Variants in PDHB observed in about 807,000 individuals in gnomAD.
PDHB encodes pyruvate dehydrogenase E1 subunit beta.
PDHB carries 17 observed loss-of-function variants against 42.8 expected under a neutral mutation model. That is an observed-to-expected ratio of 0.40 (90% confidence interval 0.27 to 0.60). The LOEUF is 0.60. PDHB is among the 20% of genes least tolerant of loss of function. PDHB has a pLI of 0.46. For missense variants in PDHB, 322 were observed against 451.3 expected (o/e 0.71, Z 2.60); for synonymous variants, 154 against 148.7 (o/e 1.04, Z -0.26).
Position 58,428,178 on chromosome 3 carries a change from A to T in PDHB, c.936T>A (p.Gly312=). Reference sequence around the variant, plus strand: ...GAGCATCCAGGAAATTGAACGCAGGACCTAGGAGAAGGAAGGCTCAACTGA... The same window carrying T: ...GAGCATCCAGGAAATTGAACGCAGGTCCTAGGAGAAGGAAGGCTCAACTGA... ...GAEICARIME[G]PAFNFLDAPA... Residue 312 remains glycine, a splice_region_variant and synonymous_variant, in exon 10 of 10, where the codon GGT becomes GGA. Transcript: ENST00000302746. The T allele has an allele frequency of 1.5e-5, 25 of 1,614,034 alleles. No individual in the cohort carries two copies. The highest frequency in any genetic ancestry group is 2.0e-5 in the Non-Finnish European group (24 of 1,179,876).
rs771813233 is a variant in PDHB, at chr3:58,433,777, G to C, written c.33C>G (p.Pro11=). MAAVSGLVRR[P]LREVSGLLKR... ...GCGCGCTGCTGCCTACCTCCCGAAG[G>C]GGTCTCCGCACCAAGCCAGACACCG... The change falls in exon 1 of 10, where the codon CCC becomes CCG. Residue 11 remains proline (P), a synonymous_variant. Coordinates refer to ENST00000302746, the MANE Select transcript of PDHB (RefSeq NM_000925.4). The C allele has an allele frequency of 3.7e-6, 6 of 1,612,306 alleles. No homozygotes were observed. The East Asian group carries it at 1.3e-4, about 36-fold the overall frequency.
In PDHB at chr3:58,427,671, C is replaced by T. The variant is rs1238483375; in HGVS notation, c.*363G>A. The T allele has an allele frequency of 8.0e-6, 3 of 376,918 alleles. No individual in the cohort carries two copies. Among genetic ancestry groups the T allele is most frequent in the South Asian group, 6.0e-5 (3 of 50,382 alleles). 23.3% of individuals were successfully genotyped at this position (376,918 alleles called of 1,614,324 possible). On this transcript the variant is annotated 3_prime_UTR_variant, in exon 10 of 10. Coordinates refer to ENST00000302746, the MANE Select transcript of PDHB (RefSeq NM_000925.4). ...TTTATTCCTTATCAAAACAAACTAA[C>T]AGTAAATGTATATTATATGCTTTAA...
At chr3:58,432,232 G>C (rs910845074) in intron 2 of PDHB, 9 of 512,128 alleles carry the variant, frequency 1.8e-5, no homozygotes, top group Non-Finnish European at 3.2e-5. Context: ...CCAGAATGTA[G>C]GAGTTGCTCT....
Position 58,433,612 on chromosome 3 carries a change from G to T in PDHB, c.96+19C>A. The T allele has an allele frequency of 6.2e-7, 1 of 1,605,460 alleles. No homozygotes were observed. Among genetic ancestry groups the T allele is most frequent in the Non-Finnish European group, 8.5e-7 (1 of 1,177,282 alleles). On this transcript the variant is annotated intron_variant, in intron 2 of 9. Coordinates refer to ENST00000302746, the MANE Select transcript of PDHB (RefSeq NM_000925.4). ...GGGACCCTCCCCGCCCTCGTCCGACGAGCACCCGCGCCTGTTACCTGCAGC... is the reference window on the plus strand; with the variant it reads ...GGGACCCTCCCCGCCCTCGTCCGACTAGCACCCGCGCCTGTTACCTGCAGC...
chr3:58,430,113 T>C lies in PDHB; in HGVS notation c.700+15A>G, dbSNP rs371033797. The C allele has an allele frequency of 1.4e-6, 2 of 1,388,018 alleles. No individual in the cohort carries two copies. Among genetic ancestry groups the C allele is most frequent in the African/African-American group, 1.4e-5 (1 of 70,668 alleles). The allele number at this position is 1,388,018 out of a possible 1,614,324, so 86.0% of individuals were successfully genotyped here. A position where few individuals can be genotyped will look rare whatever the true frequency, so the allele number is the denominator to read the frequency against. On this transcript the variant is annotated intron_variant, in intron 7 of 9. Coordinates refer to ENST00000302746, the MANE Select transcript of PDHB (RefSeq NM_000925.4). ...CTGGATTAAAAATACTGTTTATATA[T>C]CTTAGTTTTCTTACCTTGCCTTTCT... is the stretch of plus-strand genomic sequence containing the variant.
At chr3:58,432,505 T>C (rs1236537087) in intron 2 of PDHB, 1 of 177,408 alleles carries the variant, frequency 5.6e-6, no homozygotes, top group African/African-American at 2.4e-5. Context: ...GAGACCACCC[T>C]GGCCAACATG....
At position 58,429,926 on chromosome 3, in the gene PDHB, G is replaced by GA. The variant is rs763858259; in HGVS notation, c.701-128dup. On this transcript the variant is annotated intron_variant, in intron 7 of 9. Coordinates refer to ENST00000302746, the MANE Select transcript of PDHB (RefSeq NM_000925.4). ...TTCAACTTCATTCCAGTGAGCTGAG[G>GA]AATGTGGCAGCCTTCCTAGAAATGA... The GA allele has an allele frequency of 9.3e-6, 7 of 750,936 alleles. 1 individual carries two copies. In the South Asian group the frequency reaches 1.0e-4, roughly 11 times the overall value. The allele number at this position is 750,936 out of a possible 1,614,324, so 46.5% of individuals were successfully genotyped here.
In PDHB at chr3:58,431,496, A is replaced by C; in HGVS notation, c.303+97T>G. Reference sequence around the variant, plus strand: ...CTGGAAGCTGAGATGGTGCCAGTGCACTCCAGGCTGGACAACAGAGTGAGA... The same window carrying C: ...CTGGAAGCTGAGATGGTGCCAGTGCCCTCCAGGCTGGACAACAGAGTGAGA... On this transcript the variant is annotated intron_variant, in intron 5 of 9. Transcript: ENST00000302746. This position sits in a 1 kb window ranked among gnomAD's most constrained non-coding sequence, Gnocchi z 4.4. The C allele has an allele frequency of 1.0e-6, 1 of 953,978 alleles. No individual in the cohort carries two copies. The highest frequency in any genetic ancestry group is 1.8e-5 in the Admixed American group (1 of 57,024). The allele number at this position is 953,978 out of a possible 1,614,324, so 59.1% of individuals were successfully genotyped here.
chr3:58,428,422 T>C (rs375739181), intron 9 of PDHB, 51 bp downstream of exon 9: 8 of 1,567,516 alleles, frequency 5.1e-6, no homozygotes, highest in South Asian at 1.1e-5. Context: ...TTCAGGTACA[T>C]GATGTTTACT....
chr3:58,429,838 A>C (rs986672421), intron 7 of PDHB, 39 bp from the exon 8 acceptor site: 3 of 1,201,954 alleles, frequency 2.5e-6, no homozygotes, highest in Non-Finnish European at 3.7e-6. Context: ...ATCAGGTTGA[A>C]ACTGAAGATG....
chr3:58,430,132 C>T lies in PDHB; in HGVS notation c.696G>A (p.Arg232=), dbSNP rs2107938811. 1.3e-6 allele frequency: 2 copies of T among 1,578,996 alleles called. No individual in the cohort carries two copies. Among genetic ancestry groups the T allele is most frequent in the East Asian group, 2.2e-5 (1 of 44,716 alleles). Residue 232 remains arginine (R), a synonymous_variant, in exon 7 of 10, where the codon AGG becomes AGA. Coordinates refer to ENST00000302746, the MANE Select transcript of PDHB (RefSeq NM_000925.4). Reference sequence around the variant, plus strand: ...TATATATCTTAGTTTTCTTACCTTGCCTTTCTATTTTGGCTTTTCCAATAG... The same window carrying T: ...TATATATCTTAGTTTTCTTACCTTGTCTTTCTATTTTGGCTTTTCCAATAG... ...LIPIGKAKIE[R]QGTHITVVSH...
In PDHB at chr3:58,430,635, A is replaced by C. The variant is rs1281033962; in HGVS notation, c.589+22T>G. The C allele has an allele frequency of 3.1e-6, 5 of 1,609,210 alleles. No homozygotes were observed. In the African/African-American group the frequency reaches 4.0e-5, roughly 13 times the overall value. On this transcript the variant is annotated intron_variant, in intron 6 of 9. Coordinates refer to ENST00000302746, the MANE Select transcript of PDHB (RefSeq NM_000925.4). ...TTTAGTTTTTCAATCTTCAAAAAAAACCAAAGGGTCCCTGTGCTGACCTGG... is the reference window on the plus strand; with the variant it reads ...TTTAGTTTTTCAATCTTCAAAAAAACCCAAAGGGTCCCTGTGCTGACCTGG...
rs965588532 is a variant in PDHB at position 58,432,137 on chromosome 3, C to T, written c.97-153G>A. 4.5e-5 allele frequency: 31 copies of T among 685,622 alleles called. No homozygotes were observed. In the African/African-American group the frequency reaches 4.8e-4, roughly 11 times the overall value. 42.5% of individuals were successfully genotyped at this position (685,622 alleles called of 1,614,324 possible). On this transcript the variant is annotated intron_variant, in intron 2 of 9. Transcript: ENST00000302746. ...AAAACTCAAAGAATTCTAAAAGTAA[C>T]ATTTCTATTACACATAGTTGGTCTT...
chr3:58,428,418 T>A (rs1160362988), intron 9 of PDHB, 55 bp downstream of exon 9: 2 of 1,564,844 alleles, frequency 1.3e-6, no homozygotes, highest in African/African-American at 2.7e-5. Context: ...CGTATTCAGG[T>A]ACATGATGTT....
intron 7 of PDHB, 134 bp downstream of exon 7, chr3:58,429,994 A>T: frequency 1.4e-6 from 1 of 738,914 alleles, no homozygotes; most frequent in Admixed American, 2.0e-5. Context: ...GCACAACTGA[A>T]TGAGAAATTG....
chr3:58,430,187 G>A lies in PDHB; in HGVS notation c.641C>T (p.Pro214Leu), dbSNP rs752056463. The A allele has an allele frequency of 2.1e-5, 34 of 1,612,714 alleles. No homozygotes were observed. The highest frequency in any genetic ancestry group is 1.8e-4 in the South Asian group (16 of 90,872). Residue 214 changes from proline (P) to leucine (L), a missense_variant, in exon 7 of 10, where the codon CCG becomes CTG. Coordinates refer to ENST00000302746, the MANE Select transcript of PDHB (RefSeq NM_000925.4). ...LMYGVPFEFP[P>L]EAQSKDFLIP... ...CAGAAAATCTTTTGACTGAGCTTCC[G>A]GAGGAAATTCAAAAGGAACCCCATA...
chr3:58,428,648 A>T, intron 8 of PDHB, 34 bp from the exon 9 acceptor site: 1 of 1,584,060 alleles, frequency 6.3e-7, no homozygotes, highest in Non-Finnish European at 8.7e-7. Flanking sequence ...TTACAGAGCT[A>T]TTGCAGCACA....
At position 58,428,550 on chromosome 3, in the gene PDHB, G is replaced by A. The variant is rs1157285249; in HGVS notation, c.857C>T (p.Thr286Ile). The A allele has an allele frequency of 6.2e-7, 1 of 1,613,778 alleles. No homozygotes were observed. Among genetic ancestry groups the A allele is most frequent in the Non-Finnish European group, 8.5e-7 (1 of 1,179,676 alleles). Residue 286 changes from threonine to isoleucine, a missense_variant, in exon 9 of 10, where the codon ACA becomes ATA. Thr to Ile is a moderately conservative substitution (Grantham distance 89). Around this residue, in one of 3 missense-constraint regions of PDHB, gnomAD observed 208 missense variants for 285.0 expected, o/e 0.73. Coordinates refer to ENST00000302746, the MANE Select transcript of PDHB (RefSeq NM_000925.4). ...TCCTTCCACAGTTACAAGATGATTT[G>A]TCTTCATGACACTGGCTTCTATGGT... is the stretch of plus-strand genomic sequence containing the variant. ...METIEASVMK[T>I]NHLVTVEGGW...
chr3:58,433,756 G>A lies in PDHB; in HGVS notation c.42+12C>T, dbSNP rs2062944866. The A allele has an allele frequency of 6.2e-7, 1 of 1,612,250 alleles. No individual in the cohort carries two copies. The highest frequency in any genetic ancestry group is 8.5e-7 in the Non-Finnish European group (1 of 1,179,572). On this transcript the variant is annotated intron_variant, in intron 1 of 9. Coordinates refer to ENST00000302746, the MANE Select transcript of PDHB (RefSeq NM_000925.4). ...GGTCGCGTGGGAATACAGGCCGCGC[G>A]CTGCTGCCTACCTCCCGAAGGGGTC... is the stretch of plus-strand genomic sequence containing the variant.
Sources: allele counts gnomAD v4.1 joint callset, GRCh38; gene constraint gnomAD v4.1.1; regional missense constraint gnomAD v4.1.1; non-coding constraint Gnocchi (gnomAD v3.1); transcripts MANE v1.5; gene names NCBI Gene and HGNC (gene_info 2026-07-23, HGNC 2026-07-21).